The following GABRG3 variants were observed in gnomAD, a reference collection of about 807,000 sequenced individuals.
GABRG3 encodes the protein gamma-aminobutyric acid receptor subunit gamma-3.
Under a neutral mutation model 48.8 loss-of-function variants are expected in GABRG3, and 25 were observed. The observed-to-expected ratio is 0.51, with a 90% CI of 0.37 to 0.72. The LOEUF (loss-of-function observed/expected upper bound fraction) is 0.72. Among genes scored for constraint, GABRG3 ranks in the 30% least tolerant of loss-of-function variants. The pLI, the probability that GABRG3 is intolerant of heterozygous loss-of-function variation, is 0.00. For missense variants in GABRG3, 394 were observed against 577.9 expected (o/e 0.68, Z 3.26); for synonymous variants, 227 against 217.6 (o/e 1.04, Z -0.38).
At chr15:27,433,255 C>CT (rs1888509489) in intron 5 of GABRG3, among the ~76,000 whole-genome samples, 1 of 152,240 alleles carries the variant, frequency 6.6e-6, no homozygotes, top group East Asian at 1.9e-4. Flanking sequence ...ACTCCTGTAA[C>CT]AAACTACCAA....
Position 27,482,927 on chromosome 15 carries a change from T to C in GABRG3, c.712+2140T>C, listed in dbSNP as rs533929877. The stretch of plus-strand genomic sequence containing the variant: ...TGGCCACTCTGGCCCCGCCATGCTT[T>C]GGGCACAGCCCTAAACAGCTGCATT... On this transcript the variant is annotated intron_variant, in intron 6 of 9. Coordinates refer to ENST00000615808, the MANE Select transcript of GABRG3 (RefSeq NM_033223.5). 5.2e-5 allele frequency: 8 copies of C among 152,382 alleles called. No homozygotes were observed. The South Asian group carries it at 1.7e-3, about 32-fold the overall frequency. 9.4% of individuals were successfully genotyped at this position (152,382 alleles called of 1,614,324 possible).
intron 2 of GABRG3, among the ~76,000 whole-genome samples, chr15:27,020,443 G>A (rs1377328099): frequency 2.0e-5 from 3 of 152,118 alleles, no homozygotes; most frequent in Admixed American, 6.5e-5. Context: ...ACGGAGTCTC[G>A]CTCTTTCGCC....
chr15:27,315,164 TA>T (rs1893168854), intron 3 of GABRG3, among the ~76,000 whole-genome samples: 3 of 152,216 alleles, frequency 2.0e-5, no homozygotes, highest in Admixed American at 6.5e-5. Context: ...TCTTTTATTT[TA>T]AAAAGAATTA....
At chr15:27,361,692 G>C (rs978296049) in intron 5 of GABRG3, among the ~76,000 whole-genome samples, 1 of 152,170 alleles carries the variant, frequency 6.6e-6, no homozygotes, top group African/African-American at 2.4e-5. Context: ...CAGTCTTTAA[G>C]GATGAGAGGA....
intron 6 of GABRG3, among the ~76,000 whole-genome samples, chr15:27,501,209 C>A (rs1890627901): frequency 6.6e-6 from 1 of 152,066 alleles, no homozygotes; most frequent in Non-Finnish European, 1.5e-5. Flanking sequence ...CCTTGGCCTC[C>A]CAAAGTGCTA....
At chr15:27,475,037 G>A (rs1487539400) in intron 5 of GABRG3, among the ~76,000 whole-genome samples, 3 of 152,102 alleles carry the variant, frequency 2.0e-5, no homozygotes. Context: ...GGCTGAGGCA[G>A]GAGAATCGCT....
At chr15:27,369,780 C>G in intron 5 of GABRG3, among the ~76,000 whole-genome samples, 1 of 131,868 alleles carries the variant, frequency 7.6e-6, no homozygotes, top group South Asian at 2.3e-4. Flanking sequence ...GCACTCCAGC[C>G]TGGGCGACAG....
At chr15:26,971,668 C>G in intron 1 of GABRG3, 80 bp downstream of exon 1, 1 of 1,429,500 alleles carries the variant, frequency 7.0e-7, no homozygotes, top group Non-Finnish European at 9.1e-7. Flanking sequence ...GCTGGAGTCC[C>G]TGGCGCGCCA....
intron 3 of GABRG3, among the ~76,000 whole-genome samples, chr15:27,306,379 CAT>C (rs957373566): frequency 7.4e-6 from 1 of 135,734 alleles, no homozygotes; most frequent in Non-Finnish European, 1.5e-5. Context: ...ATAATATAAA[CAT>C]GTCTACATGT....
intron 3 of GABRG3, among the ~76,000 whole-genome samples, chr15:27,198,263 T>A (rs1403198507): frequency 1.3e-5 from 2 of 152,154 alleles, no homozygotes; most frequent in African/African-American, 4.8e-5. Flanking sequence ...GACAAAGGGC[T>A]AATATCCAGA....
intron 3 of GABRG3, among the ~76,000 whole-genome samples, chr15:27,285,648 T>C (rs1463958371): frequency 6.6e-6 from 1 of 152,184 alleles, no homozygotes; most frequent in Admixed American, 6.5e-5. Flanking sequence ...GCATAAGCTG[T>C]TAATATTAGG....
intron 5 of GABRG3, among the ~76,000 whole-genome samples, chr15:27,413,346 A>T (rs1439372483): frequency 3.9e-5 from 6 of 152,216 alleles, no homozygotes; most frequent in African/African-American, 1.4e-4. Flanking sequence ...AGCTTGACCA[A>T]GGTTAATAAG....
At chr15:27,327,464 A>G (rs1014014741) in intron 4 of GABRG3, among the ~76,000 whole-genome samples, 1 of 152,126 alleles carries the variant, frequency 6.6e-6, no homozygotes, top group Non-Finnish European at 1.5e-5. Context: ...GGAGTCAGGG[A>G]AGTCTTCGAA....
At chr15:27,012,617 T>C (rs1266200887) in intron 2 of GABRG3, among the ~76,000 whole-genome samples, 1 of 152,172 alleles carries the variant, frequency 6.6e-6, no homozygotes, top group African/African-American at 2.4e-5. Flanking sequence ...GGAATGGATA[T>C]GGGGAGTGAA....
At chr15:27,400,274 GAATA>G (rs1352060190) in intron 5 of GABRG3, among the ~76,000 whole-genome samples, 9 of 152,108 alleles carry the variant, frequency 5.9e-5, no homozygotes, top group African/African-American at 2.2e-4. Context: ...TATGTTGTGA[GAATA>G]AATAAGTTTA....
At chr15:26,995,572 G>A (rs1163403386) in intron 2 of GABRG3, among the ~76,000 whole-genome samples, 7 of 148,556 alleles carry the variant, frequency 4.7e-5, no homozygotes. Context: ...ATATTTTCTA[G>A]TAGAAGATTT....
intron 5 of GABRG3, among the ~76,000 whole-genome samples, chr15:27,431,555 C>T (rs947688141): frequency 3.3e-5 from 5 of 151,984 alleles, no homozygotes; most frequent in Non-Finnish European, 5.9e-5. Flanking sequence ...ACCTGTTGTT[C>T]GGTTTTGAAT....
chr15:27,387,926 GGGAGGGA>G (rs1895986237), intron 5 of GABRG3, among the ~76,000 whole-genome samples: 1 of 56,920 alleles, frequency 1.8e-5, no homozygotes, highest in Non-Finnish European at 4.2e-5. Flanking sequence ...GAAGGAGGGA[GGGAGGGA>G]GGGAAGGAGG....
chr15:27,084,926 CTG>C (rs1256923254), intron 3 of GABRG3, among the ~76,000 whole-genome samples: 3 of 152,230 alleles, frequency 2.0e-5, no homozygotes, highest in Non-Finnish European at 4.4e-5. Flanking sequence ...TCTTAATTCT[CTG>C]TGTGAGCACC....
Sources: gnomAD v4.1 joint callset for allele counts (sites outside exome capture counted in the v4.1 genomes callset) on GRCh38, gnomAD v4.1.1 for gene constraint, MANE v1.5 for transcripts, NCBI Gene and HGNC (gene_info 2026-07-23, HGNC 2026-07-21) for gene names.